TMEM67: variants seen among roughly 807,000 people sequenced by gnomAD.
The protein encoded by TMEM67 is meckelin.
TMEM67 carries 124 observed loss-of-function variants against 136.6 expected under a neutral mutation model. The observed-to-expected ratio is 0.91, with a 90% CI of 0.78 to 1.05. The LOEUF is 1.05. Ranked by LOEUF, TMEM67 falls within the 50% of genes least tolerant of loss-of-function variation. The probability of loss-of-function intolerance (pLI) is 0.00; values close to 1 mark genes in which losing one functional copy is unlikely to be tolerated. For synonymous variants in TMEM67, 364 were observed against 390.5 expected (o/e 0.93, Z 0.80); for missense variants, 1,107 against 1,178.4 (o/e 0.94, Z 0.89).
chr8:93,825,086 G>C, the TMEM67 span, among the ~76,000 whole-genome samples: 1 of 152,208 alleles, frequency 6.6e-6, no homozygotes, highest in East Asian at 1.9e-4. Context: ...AGGATTGAAG[G>C]AGATAATAGA....
intron 7 of TMEM67, 91 bp downstream of exon 7, chr8:93,772,742 G>A: frequency 1.1e-6 from 1 of 921,480 alleles, no homozygotes; most frequent in Non-Finnish European, 1.7e-6. Flanking sequence ...TTTCTAAGTA[G>A]CTATAGCTTC....
chr8:93,785,397 C>G lies in TMEM67; in HGVS notation c.1288+19C>G. The stretch of plus-strand genomic sequence containing the variant: ...AACCAAGGTAAGACATCCATACATA[C>G]CACTCTTTTCCCTGAGCAGAAATCA... On this transcript the variant is annotated intron_variant, in intron 12 of 27. Transcript: ENST00000453321. 17 of 1,607,412 alleles carry G rather than the reference C, an allele frequency of 1.1e-5. No homozygotes were observed. The highest frequency in any genetic ancestry group is 1.4e-5 in the Non-Finnish European group (16 of 1,175,180).
In TMEM67 at chr8:93,786,303, A is replaced by G. The variant is rs750333277; in HGVS notation, c.1369A>G (p.Thr457Ala). The G allele has an allele frequency of 1.2e-6, 2 of 1,614,082 alleles. No individual in the cohort carries two copies. Among genetic ancestry groups the G allele is most frequent in the Admixed American group, 1.7e-5 (1 of 60,026 alleles). ...AVSGRENDLG[T>A]QPRVIRVATQ... Reference sequence around the variant, plus strand: ...AAGTGGACGAGAAAATGACTTAGGAACTCAGCCAAGAGTAATTCGAGTTGC... The same window carrying G: ...AAGTGGACGAGAAAATGACTTAGGAGCTCAGCCAAGAGTAATTCGAGTTGC... The change falls in exon 13 of 28, where the codon ACT becomes GCT. Residue 457 changes from threonine to alanine, a missense_variant. Transcript: ENST00000453321.
intron 2 of TMEM67, 47 bp from the exon 3 acceptor site, chr8:93,758,436 G>C: frequency 7.1e-7 from 1 of 1,416,614 alleles, no homozygotes; most frequent in Non-Finnish European, 1.0e-6. Context: ...ATTAGAAGAA[G>C]AAAGTTAATT....
chr8:93,829,738 C>G, the TMEM67 span, among the ~76,000 whole-genome samples: 1 of 152,118 alleles, frequency 6.6e-6, no homozygotes, highest in Non-Finnish European at 1.5e-5. Flanking sequence ...CTCCCCTTCT[C>G]TCCGTGGTAT....
Position 93,765,387 on chromosome 8 carries a change from T to C in TMEM67, c.507-19T>C, listed in dbSNP as rs138589757. 11,723 of 1,597,336 alleles carry C rather than the reference T, an allele frequency of 7.3e-3. 140 individuals carry two copies. Among genetic ancestry groups the C allele is most frequent in the South Asian group, 0.043 (3,862 of 89,852 alleles). On this transcript the variant is annotated intron_variant, in intron 4 of 27. Coordinates refer to ENST00000453321, the MANE Select transcript of TMEM67 (RefSeq NM_153704.6). ...TAATTTATTAACATTTTTAAAATTA[T>C]TTTTGTTATATTGAACAGGTGCGTC...
chr8:93,781,436 A>C (rs1044194687), intron 9 of TMEM67, among the ~76,000 whole-genome samples: 5 of 152,222 alleles, frequency 3.3e-5, no homozygotes, highest in Non-Finnish European at 1.5e-5. Context: ...ATCTGTCACT[A>C]GTGCTGCCTC....
At chr8:93,768,916 T>C (rs893870786) in intron 6 of TMEM67, among the ~76,000 whole-genome samples, 9 of 152,038 alleles carry the variant, frequency 5.9e-5, no homozygotes, top group Non-Finnish European at 1.3e-4. Flanking sequence ...ATTCAGTTAA[T>C]GTATTTCATT....
chr8:93,765,325 A>T, intron 4 of TMEM67, 81 bp from the exon 5 acceptor site: 1 of 1,125,144 alleles, frequency 8.9e-7, no homozygotes, highest in Non-Finnish European at 1.3e-6. Flanking sequence ...ACTCTAATCC[A>T]TTGTTTAGAA....
At chr8:93,801,679 C>T (rs574481624) in intron 21 of TMEM67, among the ~76,000 whole-genome samples, 14 of 152,100 alleles carry the variant, frequency 9.2e-5, no homozygotes, top group Middle Eastern at 3.4e-3. Flanking sequence ...CAGGGTTGCA[C>T]GTGTGAGCCA....
At chr8:93,802,000 A>G (rs1402748228) in intron 21 of TMEM67, among the ~76,000 whole-genome samples, 1 of 152,236 alleles carries the variant, frequency 6.6e-6, no homozygotes, top group Non-Finnish European at 1.5e-5. Flanking sequence ...CTGGATGTAG[A>G]GAGTCTAAAG....
chr8:93,824,957 T>C, the TMEM67 span, among the ~76,000 whole-genome samples: 15 of 152,242 alleles, frequency 9.9e-5, no homozygotes, highest in Non-Finnish European at 1.8e-4. Context: ...CCAAAAATGA[T>C]CCACCCACTT....
intron 7 of TMEM67, 101 bp from the exon 8 acceptor site, chr8:93,780,492 G>A: frequency 2.3e-6 from 3 of 1,317,826 alleles, no homozygotes; most frequent in South Asian, 2.4e-5. Context: ...TTCCTACTCG[G>A]CCATCTTGGA....
At chr8:93,795,746 G>A (rs1365299161) in intron 17 of TMEM67, among the ~76,000 whole-genome samples, 155 bp from the exon 18 acceptor site, 1 of 151,916 alleles carries the variant, frequency 6.6e-6, no homozygotes, top group East Asian at 1.9e-4. Context: ...GAAGACTTAG[G>A]TGGGAGGATC....
At chr8:93,774,180 A>G (rs764056472) in intron 7 of TMEM67, among the ~76,000 whole-genome samples, 3 of 151,958 alleles carry the variant, frequency 2.0e-5, no homozygotes, top group Non-Finnish European at 4.4e-5. Flanking sequence ...ACACTCAGCT[A>G]ATTTTTCTAT....
chr8:93,780,543 A>G (rs750232058), intron 7 of TMEM67, 50 bp from the exon 8 acceptor site: 4 of 1,611,214 alleles, frequency 2.5e-6, no homozygotes, highest in Non-Finnish European at 3.4e-6. Flanking sequence ...CAACTTTTGC[A>G]TAGACTGTTC....
rs540917103 is a variant in TMEM67 at position 93,760,792 on chromosome 8, A to G, written c.406+2216A>G. Among the ~76,000 whole-genome samples the G allele has an allele frequency of 1.8e-3, 277 of 152,296 alleles. 1 individual carries two copies. Among genetic ancestry groups the G allele is most frequent in the Middle Eastern group, 0.017 (5 of 294 alleles). ...ACAAACTAAAGAAAAATATTAATGCATACAATAGACAGAGGTCGAAGTTCT... is the reference window on the plus strand; with the variant it reads ...ACAAACTAAAGAAAAATATTAATGCGTACAATAGACAGAGGTCGAAGTTCT... On this transcript the variant is annotated intron_variant, in intron 3 of 27. Transcript: ENST00000453321.
chr8:93,787,803 C>G lies in TMEM67; in HGVS notation c.1413-41C>G, dbSNP rs762847830. 9 of 1,440,888 alleles carry G rather than the reference C, an allele frequency of 6.2e-6. No homozygotes were observed. In the South Asian group the frequency reaches 1.0e-4, roughly 16 times the overall value. The allele number at this position is 1,440,888 out of a possible 1,614,324, so 89.3% of individuals were successfully genotyped here. On this transcript the variant is annotated intron_variant, in intron 13 of 27. Coordinates refer to ENST00000453321, the MANE Select transcript of TMEM67 (RefSeq NM_153704.6). ...TAAGTTAAATGTATGTTTAAAGGCC[C>G]GGATATACTGATTACTATAAATGCA...
At chr8:93,808,810 G>T in intron 23 of TMEM67, 30 bp from the exon 24 acceptor site, 2 of 1,398,492 alleles carry the variant, frequency 1.4e-6, no homozygotes, top group South Asian at 2.3e-5. Context: ...TTATAATTTT[G>T]ATCTTAACTT....
Sources: allele counts gnomAD v4.1 joint callset (sites outside exome capture counted in the v4.1 genomes callset), GRCh38; gene constraint gnomAD v4.1.1; transcripts MANE v1.5; gene names NCBI Gene and HGNC (gene_info 2026-07-23, HGNC 2026-07-21).